The following SHROOM4 variants were observed in gnomAD, a reference collection of about 807,000 sequenced individuals.
SHROOM4 encodes protein Shroom4.
Under a neutral mutation model 80.3 loss-of-function variants are expected in SHROOM4, and 17 were observed. That is an observed-to-expected ratio of 0.21 (90% confidence interval 0.14 to 0.32). The LOEUF (loss-of-function observed/expected upper bound fraction) is 0.32, where lower values mean the gene tolerates loss of function less well. Among genes scored for constraint, SHROOM4 ranks in the 10% least tolerant of loss-of-function variants. SHROOM4 has a pLI of 1.00. For missense variants in SHROOM4, 993 were observed against 1,140.3 expected (o/e 0.87, Z 1.86); for synonymous variants, 400 against 437.5 (o/e 0.91, Z 1.07).
intron 1 of SHROOM4, among the ~76,000 whole-genome samples, chrX:50,740,926 T>G (rs1410114579): frequency 8.9e-6 from 1 of 111,945 alleles, no homozygotes; most frequent in Non-Finnish European, 1.9e-5. Flanking sequence ...GTTTCAGGTC[T>G]TATATTTAAG....
chrX:50,771,980 CATTACATATA>C (rs1557269759), intron 1 of SHROOM4, among the ~76,000 whole-genome samples: 1 of 103,287 alleles, frequency 9.7e-6, no homozygotes, highest in South Asian at 4.8e-4. Context: ...GGCTAGAAAA[CATTACATATA>C]ATATGACCTT....
rs144351523 is a variant in SHROOM4 at position 50,604,848 on chromosome X, T to C, written c.3762-2035A>G. Among the ~76,000 whole-genome samples the C allele has an allele frequency of 1.0e-2, 1,114 of 111,907 alleles. 6 individuals are homozygous for C. The highest frequency in any genetic ancestry group is 0.015 in the Non-Finnish European group (791 of 53,175). On this transcript the variant is annotated intron_variant, in intron 6 of 8. Coordinates refer to ENST00000376020, the MANE Select transcript of SHROOM4 (RefSeq NM_020717.5). Reference sequence around the variant, plus strand: ...TCACAGAGCACTGAGAGGAAATGCATAGAGTCCATAAAGCAAGCTATACCT... The same window carrying C: ...TCACAGAGCACTGAGAGGAAATGCACAGAGTCCATAAAGCAAGCTATACCT...
At chrX:50,636,527 G>T (rs782595060) in intron 3 of SHROOM4, among the ~76,000 whole-genome samples, 3 of 110,351 alleles carry the variant, frequency 2.7e-5, no homozygotes, top group African/African-American at 9.9e-5. Flanking sequence ...TTTAGATTCC[G>T]GGGGTACACG....
Position 50,633,930 on chromosome X carries a change from C to T in SHROOM4, c.2143G>A (p.Ala715Thr). The T allele has an allele frequency of 2.5e-6, 3 of 1,211,841 alleles. No homozygotes were observed. Among genetic ancestry groups the T allele is most frequent in the Non-Finnish European group, 3.3e-6 (3 of 895,534 alleles). The change falls in exon 4 of 9, where the codon GCA becomes ACA. Residue 715 changes from alanine to threonine, a missense_variant. Physicochemically the swap from Ala to Thr is moderately conservative, Grantham distance 58. Coordinates refer to ENST00000376020, the MANE Select transcript of SHROOM4 (RefSeq NM_020717.5). The part of the protein sequence containing the change: ...PDPSSSDPEK[A>T]HAHCGVRGGH... Reference sequence around the variant, plus strand: ...CCACGGACTCCACAGTGAGCATGTGCTTTCTCAGGGTCTGAGGAGGATGGG... The same window carrying T: ...CCACGGACTCCACAGTGAGCATGTGTTTTCTCAGGGTCTGAGGAGGATGGG...
intron 3 of SHROOM4, among the ~76,000 whole-genome samples, chrX:50,637,784 G>A (rs1225072213): frequency 8.9e-6 from 1 of 112,162 alleles, no homozygotes; most frequent in African/African-American, 3.2e-5. Flanking sequence ...ACCAGATAAG[G>A]GCACCAGTGA....
intron 5 of SHROOM4, among the ~76,000 whole-genome samples, chrX:50,615,031 C>CACA (rs1442382338): frequency 9.0e-6 from 1 of 111,080 alleles, no homozygotes; most frequent in African/African-American, 3.3e-5. Flanking sequence ...TGGAAGGATA[C>CACA]ACAACAAATT....
At chrX:50,717,512 T>C (rs782086662) in intron 1 of SHROOM4, among the ~76,000 whole-genome samples, 34 of 112,523 alleles carry the variant, frequency 3.0e-4, no homozygotes, top group Non-Finnish European at 5.6e-4. Context: ...TGAACCACCA[T>C]ACCTGGCTTG....
chrX:50,763,664 G>T (rs1935208414), intron 1 of SHROOM4, among the ~76,000 whole-genome samples: 1 of 111,268 alleles, frequency 9.0e-6, no homozygotes, highest in Admixed American at 9.6e-5. Flanking sequence ...GTAGCTCCTG[G>T]GTCAGTATAA....
At chrX:50,714,262 C>A (rs183214528) in intron 1 of SHROOM4, among the ~76,000 whole-genome samples, 1 of 112,277 alleles carries the variant, frequency 8.9e-6, no homozygotes, top group Admixed American at 9.5e-5. Context: ...GTGATGCGTG[C>A]AGCTTTGCTC....
chrX:50,800,552 T>C (rs782213036), intron 1 of SHROOM4, among the ~76,000 whole-genome samples: 6 of 111,002 alleles, frequency 5.4e-5, no homozygotes, highest in African/African-American at 2.0e-4. Context: ...TTAGGTCCTA[T>C]GGAGAGGGCC....
intron 1 of SHROOM4, among the ~76,000 whole-genome samples, chrX:50,787,075 C>T (rs1557271131): frequency 9.1e-6 from 1 of 109,640 alleles, no homozygotes; most frequent in African/African-American, 3.3e-5. Context: ...AAAAAGTTAG[C>T]CTTGCGTGGT....
intron 2 of SHROOM4, among the ~76,000 whole-genome samples, chrX:50,663,157 C>G (rs1842898288): frequency 8.9e-6 from 1 of 111,796 alleles, no homozygotes; most frequent in Non-Finnish European, 1.9e-5. Context: ...TCTACCTACT[C>G]CCTACAACTG....
At chrX:50,682,050 T>C (rs1285292910) in intron 2 of SHROOM4, among the ~76,000 whole-genome samples, 1 of 112,122 alleles carries the variant, frequency 8.9e-6, no homozygotes, top group African/African-American at 3.2e-5. Flanking sequence ...GTTACAACTG[T>C]CTACTCGTCC....
chrX:50,634,841 C>T lies in SHROOM4; in HGVS notation c.1232G>A (p.Ser411Asn), dbSNP rs1557255429. 1 of 1,208,920 alleles carries T rather than the reference C, an allele frequency of 8.3e-7. No homozygotes were observed. The highest frequency in any genetic ancestry group is 1.8e-5 in the South Asian group (1 of 56,536). Residue 411 changes from serine (S) to asparagine (N), a missense_variant, in exon 4 of 9, where the codon AGT (serine) becomes AAT (asparagine). Transcript: ENST00000376020. ...HLIGPTGHRH[S>N]APEQLLASHL... ...GGATGCCAGCAGCTGTTCAGGGGCA[C>T]TATGGCGATGCCCTGTGGGTCCTAT...
In SHROOM4 at chrX:50,633,450, G is replaced by C. The variant is rs782259994; in HGVS notation, c.2623C>G (p.Leu875Val). 2.0e-5 allele frequency: 24 copies of C among 1,210,417 alleles called. No individual in the cohort carries two copies. Among genetic ancestry groups the C allele is most frequent in the Non-Finnish European group, 1.9e-5 (17 of 895,362 alleles). Residue 875 changes from leucine (L) to valine (V), a missense_variant, in exon 4 of 9, where the codon CTA (leucine) becomes GTA (valine). Leu to Val is a conservative substitution (Grantham distance 32, BLOSUM62 1). Transcript: ENST00000376020. Reference sequence around the variant, plus strand: ...TGGTAATCAAAATCACCACAGTGTAGTGGCTTACAACACATGGAATTTTCT... The same window carrying C: ...TGGTAATCAAAATCACCACAGTGTACTGGCTTACAACACATGGAATTTTCT... ...GLENSMCCKP[L>V]HCGDFDYHRT...
At chrX:50,598,863 T>C (rs1929253980) in intron 7 of SHROOM4, among the ~76,000 whole-genome samples, 1 of 111,439 alleles carries the variant, frequency 9.0e-6, no homozygotes, top group Admixed American at 9.5e-5. Context: ...TCTCACTCTG[T>C]TGCCCAGGCT....
At chrX:50,683,386 A>C (rs782058258) in intron 2 of SHROOM4, among the ~76,000 whole-genome samples, 1 of 111,230 alleles carries the variant, frequency 9.0e-6, no homozygotes, top group Non-Finnish European at 1.9e-5. Flanking sequence ...GGAACTTTGA[A>C]GGGTTTTGGT....
chrX:50,734,295 T>A (rs1045333557), intron 1 of SHROOM4, among the ~76,000 whole-genome samples: 1 of 111,880 alleles, frequency 8.9e-6, no homozygotes, highest in Non-Finnish European at 1.9e-5. Flanking sequence ...GGACCCAGAA[T>A]TACAAGGGAC....
In SHROOM4 at chrX:50,672,185, A is replaced by G. The variant is rs144113937; in HGVS notation, c.269+23601T>C. Among the ~76,000 whole-genome samples the G allele has an allele frequency of 1.1e-3, 120 of 112,186 alleles. 2 individuals are homozygous for G. In the East Asian group the frequency reaches 0.029, roughly 28 times the overall value. On this transcript the variant is annotated intron_variant, in intron 2 of 8. Coordinates refer to ENST00000376020, the MANE Select transcript of SHROOM4 (RefSeq NM_020717.5). ...CCAAACAATTACAATAGTACCATCAAAAAATCATTGATTACAGACCATCAT... is the reference window on the plus strand; with the variant it reads ...CCAAACAATTACAATAGTACCATCAGAAAATCATTGATTACAGACCATCAT...
Sources: allele counts gnomAD v4.1 joint callset (sites outside exome capture counted in the v4.1 genomes callset), GRCh38; gene constraint gnomAD v4.1.1; transcripts MANE v1.5; gene names NCBI Gene and HGNC (gene_info 2026-07-23, HGNC 2026-07-21).